Variants in SLC9A9 observed in about 807,000 individuals in gnomAD.
The protein encoded by SLC9A9 is solute carrier family 9 member A9.
SLC9A9 carries 62 observed loss-of-function variants against 77.8 expected under a neutral mutation model. The observed-to-expected ratio is 0.80, with a 90% CI of 0.65 to 0.98. The LOEUF (loss-of-function observed/expected upper bound fraction) is 0.98, where lower values mean the gene tolerates loss of function less well. SLC9A9 is among the 50% of genes least tolerant of loss of function. SLC9A9 has a pLI of 0.00. For missense variants in SLC9A9, 775 were observed against 774.9 expected, an observed-to-expected ratio of 1.00 and a Z score of 0.00; for synonymous variants, 320 against 283.5, an observed-to-expected ratio of 1.13 and a Z score of -1.29.
chr3:143,845,543 T>G (rs189092748), intron 1 of SLC9A9, among the ~76,000 whole-genome samples: 1 of 152,312 alleles, frequency 6.6e-6, no homozygotes, highest in Admixed American at 6.5e-5. Flanking sequence ...CAGGTGAACG[T>G]GAACCTTAGT....
intron 5 of SLC9A9, among the ~76,000 whole-genome samples, chr3:143,676,508 G>C (rs1460791060): frequency 6.6e-6 from 1 of 152,160 alleles, no homozygotes; most frequent in Non-Finnish European, 1.5e-5. Flanking sequence ...GGAGGCTGAG[G>C]AGGGCGGATC....
At chr3:143,287,522 G>A (rs1341080267) in intron 14 of SLC9A9, among the ~76,000 whole-genome samples, 2 of 152,144 alleles carry the variant, frequency 1.3e-5, no homozygotes, top group African/African-American at 4.8e-5. Flanking sequence ...GGTTACTGAA[G>A]CTGAAAGAAC....
chr3:143,536,214 A>G (rs931641420), intron 9 of SLC9A9, among the ~76,000 whole-genome samples: 8 of 152,346 alleles, frequency 5.3e-5, no homozygotes, highest in Admixed American at 4.6e-4. Flanking sequence ...CTCAATAGAG[A>G]TGAAAGAAAA....
intron 4 of SLC9A9, among the ~76,000 whole-genome samples, chr3:143,752,506 G>A (rs906897740): frequency 6.6e-6 from 1 of 152,126 alleles, no homozygotes; most frequent in Non-Finnish European, 1.5e-5. Context: ...AGGGAGGTAA[G>A]GGTGAACATT....
intron 2 of SLC9A9, among the ~76,000 whole-genome samples, chr3:143,826,932 T>C (rs2009315295): frequency 6.6e-6 from 1 of 152,210 alleles, no homozygotes; most frequent in African/African-American, 2.4e-5. Flanking sequence ...GCCTTTAGTG[T>C]TACTCATTCA....
intron 9 of SLC9A9, among the ~76,000 whole-genome samples, chr3:143,527,914 A>G (rs973371061): frequency 6.6e-6 from 1 of 152,184 alleles, no homozygotes; most frequent in African/African-American, 2.4e-5. Flanking sequence ...TGCACTTGGA[A>G]CAAGGTGAGA....
intron 12 of SLC9A9, among the ~76,000 whole-genome samples, chr3:143,392,127 G>A (rs929818011): frequency 7.9e-5 from 12 of 152,232 alleles, no homozygotes; most frequent in African/African-American, 2.6e-4. Flanking sequence ...CTTGAGAAGA[G>A]CAACTCCAAG....
chr3:143,823,656 A>C (rs2009227020), intron 2 of SLC9A9, among the ~76,000 whole-genome samples: 1 of 152,064 alleles, frequency 6.6e-6, no homozygotes, highest in Non-Finnish European at 1.5e-5. Context: ...AAAAATAAAA[A>C]ATAAAAAAAT....
At chr3:143,806,763 T>TG (rs2008728100) in intron 2 of SLC9A9, among the ~76,000 whole-genome samples, 1 of 151,110 alleles carries the variant, frequency 6.6e-6, no homozygotes, top group Admixed American at 6.6e-5. Context: ...GGATTGTGAA[T>TG]GGGCACAAAA....
At chr3:143,513,438 C>T (rs1260341005) in intron 9 of SLC9A9, among the ~76,000 whole-genome samples, 1 of 152,174 alleles carries the variant, frequency 6.6e-6, no homozygotes, top group African/African-American at 2.4e-5. Flanking sequence ...CTTGCTATTC[C>T]TACCACATTC....
At chr3:143,688,558 A>C (rs1933354812) in intron 5 of SLC9A9, among the ~76,000 whole-genome samples, 1 of 151,858 alleles carries the variant, frequency 6.6e-6, no homozygotes, top group Admixed American at 6.6e-5. Flanking sequence ...GAAAATTTAT[A>C]CTCTTGAGTC....
chr3:143,420,497 A>C (rs1346509417), intron 12 of SLC9A9, among the ~76,000 whole-genome samples: 1 of 152,218 alleles, frequency 6.6e-6, no homozygotes, highest in Non-Finnish European at 1.5e-5. Context: ...TATGCGACTT[A>C]TACACAATTG....
intron 6 of SLC9A9, among the ~76,000 whole-genome samples, chr3:143,616,899 C>G (rs1477394002): frequency 6.6e-6 from 1 of 151,934 alleles, no homozygotes; most frequent in Non-Finnish European, 1.5e-5. Context: ...AAATTAGATA[C>G]TAGATAAGTG....
chr3:143,821,961 G>T (rs1257033094), intron 2 of SLC9A9, among the ~76,000 whole-genome samples: 1 of 152,210 alleles, frequency 6.6e-6, no homozygotes, highest in Non-Finnish European at 1.5e-5. Flanking sequence ...AATGAAGGCT[G>T]TGTTGTCCTT....
At chr3:143,813,134 G>A (rs1241347315) in intron 2 of SLC9A9, among the ~76,000 whole-genome samples, 43 of 152,198 alleles carry the variant, frequency 2.8e-4, no homozygotes. Flanking sequence ...TAAATACAGA[G>A]GTGACCACTG....
intron 13 of SLC9A9, among the ~76,000 whole-genome samples, chr3:143,367,437 T>C (rs1271906869): frequency 3.3e-5 from 5 of 152,324 alleles, no homozygotes; most frequent in South Asian, 2.1e-4. Flanking sequence ...GTCTTAAATA[T>C]CTTTTGGCCC....
chr3:143,772,022 A>ATGTGTGTGTG (rs55750613), intron 4 of SLC9A9, among the ~76,000 whole-genome samples: 3,589 of 141,662 alleles, frequency 0.025, 69 homozygotes, highest in Admixed American at 0.056. Flanking sequence ...CATCCCCAGA[A>ATGTGTGTGTG]TGTGTGTGTG....
intron 14 of SLC9A9, among the ~76,000 whole-genome samples, chr3:143,361,303 A>G (rs1209043929): frequency 1.2e-4 from 18 of 152,336 alleles, no homozygotes. Flanking sequence ...GCTCCAAACT[A>G]CATAGCCAAT....
At chr3:143,305,283 T>C (rs2030732491) in intron 14 of SLC9A9, among the ~76,000 whole-genome samples, 1 of 152,182 alleles carries the variant, frequency 6.6e-6, no homozygotes, top group Non-Finnish European at 1.5e-5. Context: ...TGAATCGCAG[T>C]CACTTGGTTA....
Sources: allele counts gnomAD v4.1 joint callset (sites outside exome capture counted in the v4.1 genomes callset), GRCh38; gene constraint gnomAD v4.1.1; transcripts MANE v1.5; gene names NCBI Gene and HGNC (gene_info 2026-07-23, HGNC 2026-07-21).